The following TBC1D10B variants were observed in gnomAD, a reference collection of about 807,000 sequenced individuals.
The protein encoded by TBC1D10B is Rab27A-GAPbeta.
TBC1D10B carries 25 observed loss-of-function variants against 78.4 expected under a neutral mutation model. The observed-to-expected ratio is 0.32, with a 90% confidence interval of 0.23 to 0.45. TBC1D10B has a LOEUF of 0.45. Among genes scored for constraint, TBC1D10B ranks in the 20% least tolerant of loss-of-function variants. TBC1D10B has a pLI of 1.00. For synonymous variants in TBC1D10B, 517 were observed against 478.0 expected, an observed-to-expected ratio of 1.08 and a Z score of -1.06; for missense variants, 996 against 1,104.8, an observed-to-expected ratio of 0.90 and a Z score of 1.40.
rs563479087 is a variant in TBC1D10B at position 30,358,704 on chromosome 16, G to T, written c.1756C>A (p.Leu586Met). The change falls in exon 8 of 9, where the codon CTG becomes ATG. Residue 586 changes from leucine (L) to methionine (M), a missense_variant. Physicochemically the swap from Leu to Met is conservative, Grantham distance 15. Coordinates refer to ENST00000409939, the MANE Select transcript of TBC1D10B (RefSeq NM_015527.4). Reference protein sequence around the residue: ...MYETMEQLRNLPQQCMQEDFL... With the variant: ...MYETMEQLRNMPQQCMQEDFL... ...TCTTCCTGCATGCACTGCTGGGGCA[G>T]GTTACGCAGCTGCTCCATGGTCTCA... 1 of 1,610,762 alleles carries T rather than the reference G, an allele frequency of 6.2e-7. No homozygotes were observed. Among genetic ancestry groups the T allele is most frequent in the South Asian group, 1.1e-5 (1 of 90,688 alleles).
At chr16:30,360,141 A>G in intron 4 of TBC1D10B, 1 of 344,272 alleles carries the variant, frequency 2.9e-6, no homozygotes, top group Non-Finnish European at 5.4e-6. Flanking sequence ...AGCTTTCCAC[A>G]GCTGCAGCAT....
rs748993856 is a variant in TBC1D10B at position 30,358,537 on chromosome 16, G to A, written c.1834C>T (p.Arg612Trp). Residue 612 changes from arginine to tryptophan, a missense_variant, in exon 9 of 9, where the codon CGG becomes TGG. Arg to Trp is a moderately radical substitution (Grantham distance 101). Transcript: ENST00000409939. ...NLPVTEALIE[R>W]ENAAQLKKWR... ...TTCTTGAGCTGGGCTGCATTCTCCC[G>A]CTCAATCAGTGCTTCTGTCACCGGC... 1.5e-5 allele frequency: 24 copies of A among 1,608,606 alleles called. 1 individual carries two copies. The highest frequency in any genetic ancestry group is 1.3e-4 in the Admixed American group (8 of 59,764).
intron 7 of TBC1D10B, 42 bp downstream of exon 7, chr16:30,359,130 A>G (rs1264131329): frequency 3.2e-6 from 5 of 1,564,392 alleles, no homozygotes; most frequent in East Asian, 2.3e-5. Flanking sequence ...TAGCCACCAC[A>G]GAAACCCCAG....
At position 30,358,059 on chromosome 16, in the gene TBC1D10B, T is replaced by C. The variant is rs1490058159; in HGVS notation, c.2312A>G (p.Glu771Gly). ...AAGCTTCCGGCCTTGAGCCTTCTTC[T>C]CCTGCTTCTGCCGCTCCTTCTCCTG... is the stretch of plus-strand genomic sequence containing the variant. Reference protein sequence around the residue: ...EKQEKERQKQEKKAQGRKLSL... With the variant: ...EKQEKERQKQGKKAQGRKLSL... Residue 771 changes from glutamate (E) to glycine (G), a missense_variant, in exon 9 of 9, where the codon GAG becomes GGG. Physicochemically the swap from Glu to Gly is moderately conservative, Grantham distance 98 (BLOSUM62 -2). Coordinates refer to ENST00000409939, the MANE Select transcript of TBC1D10B (RefSeq NM_015527.4). 1.3e-6 allele frequency: 2 copies of C among 1,551,718 alleles called. No individual in the cohort carries two copies. The highest frequency in any genetic ancestry group is 4.9e-5 in the East Asian group (2 of 40,926).
At chr16:30,360,996 GTC>G (rs1350079585) in intron 4 of TBC1D10B, among the ~76,000 whole-genome samples, 4 of 151,328 alleles carry the variant, frequency 2.6e-5, no homozygotes, top group African/African-American at 4.9e-5. Context: ...AAAAAAAAAA[GTC>G]TCTTCACCAG....
intron 1 of TBC1D10B, chr16:30,367,849 T>A (rs1455194983): frequency 6.6e-6 from 1 of 152,082 alleles, no homozygotes; most frequent in East Asian, 1.9e-4. Context: ...GAGGTAGAGT[T>A]CTCTGGCATT....
rs774831900 is a variant in TBC1D10B, at chr16:30,358,327, G to A, written c.2044C>T (p.Pro682Ser). 1 of 1,567,640 alleles carries A rather than the reference G, an allele frequency of 6.4e-7. No individual in the cohort carries two copies. Among genetic ancestry groups the A allele is most frequent in the Non-Finnish European group, 8.6e-7 (1 of 1,156,162 alleles). The change falls in exon 9 of 9, where the codon CCC becomes TCC. Residue 682 changes from proline (P) to serine (S), a missense_variant. By Grantham distance (74) the Pro-to-Ser change is moderately conservative (BLOSUM62 -1). Transcript: ENST00000409939. ...AAGGAPSPPP[P>S]VRRASAGPAP... ...GGCCCAGCACTGGCTCTGCGGACGG[G>A]GGGCGGCGGGGACGGGGCCCCTCCA...
At position 30,369,564 on chromosome 16, in the gene TBC1D10B, C is replaced by T; in HGVS notation, c.620G>A (p.Gly207Glu). 6.5e-7 allele frequency: 1 copy of T among 1,535,916 alleles called. No homozygotes were observed. The highest frequency in any genetic ancestry group is 8.8e-7 in the Non-Finnish European group (1 of 1,138,830). ...GCCTGAGGGGTCCTCAGGAGCCTGT[C>T]CTGCTGATGCTGATGTTGCTGCGGC... is the stretch of plus-strand genomic sequence containing the variant. ...GAAAATSASA[G>E]QAPEDPSGPG... The change falls in exon 1 of 9, where the codon GGA (glycine) becomes GAA (glutamate). Residue 207 changes from glycine to glutamate, a missense_variant. Physicochemically the swap from Gly to Glu is moderately conservative, Grantham distance 98. Coordinates refer to ENST00000409939, the MANE Select transcript of TBC1D10B (RefSeq NM_015527.4). This position sits in a 1 kb window ranked among gnomAD's most constrained non-coding sequence, Gnocchi z 4.3.
intron 4 of TBC1D10B, among the ~76,000 whole-genome samples, chr16:30,364,027 G>C (rs1221350287): frequency 6.6e-6 from 1 of 150,728 alleles, no homozygotes; most frequent in African/African-American, 2.4e-5. Flanking sequence ...TGAGGCAGGA[G>C]AATCACCTGA....
At position 30,365,648 on chromosome 16, in the gene TBC1D10B, A is replaced by G. The variant is rs2049630611; in HGVS notation, c.957-54T>C. On this transcript the variant is annotated intron_variant, in intron 1 of 8. Transcript: ENST00000409939. The surrounding 1 kb of genome is among the most constrained non-coding windows in gnomAD (Gnocchi z 5.0). ...TCAGTAGCAATAGTGTAAAACCTGC[A>G]TTGCAGGGGGAACTGAGGCAAGCCA... The G allele has an allele frequency of 1.3e-6, 2 of 1,547,034 alleles. No individual in the cohort carries two copies. The highest frequency in any genetic ancestry group is 1.7e-5 in the Admixed American group (1 of 59,830).
rs2049585349 is a variant in TBC1D10B at position 30,359,528 on chromosome 16, A to G, written c.1452+10T>C. On this transcript the variant is annotated intron_variant, in intron 6 of 8. Transcript: ENST00000409939. ...ACAGCCCCGGATGCACCCAGCCTCCAGACACTCACCAGCCCTGCACTGTAG... is the reference window on the plus strand; with the variant it reads ...ACAGCCCCGGATGCACCCAGCCTCCGGACACTCACCAGCCCTGCACTGTAG... The G allele has an allele frequency of 6.4e-7, 1 of 1,556,806 alleles. No homozygotes were observed. The highest frequency in any genetic ancestry group is 8.7e-7 in the Non-Finnish European group (1 of 1,150,086).
chr16:30,362,996 C>T (rs564597943), intron 4 of TBC1D10B, among the ~76,000 whole-genome samples: 1 of 152,198 alleles, frequency 6.6e-6, no homozygotes, highest in African/African-American at 2.4e-5. Context: ...GAGGTGGCGC[C>T]ACTGCATTCC....
intron 1 of TBC1D10B, among the ~76,000 whole-genome samples, chr16:30,368,707 CCCTT>C (rs1373345867): frequency 6.6e-6 from 1 of 152,130 alleles, no homozygotes; most frequent in Non-Finnish European, 1.5e-5. Flanking sequence ...TGCACAGTCT[CCCTT>C]CCATCAGCCA....
rs964633583 is a variant in TBC1D10B at position 30,365,906 on chromosome 16, T to C, written c.957-312A>G. On this transcript the variant is annotated intron_variant, in intron 1 of 8. Coordinates refer to ENST00000409939, the MANE Select transcript of TBC1D10B (RefSeq NM_015527.4). This position sits in a 1 kb window ranked among gnomAD's most constrained non-coding sequence, Gnocchi z 5.0. ...TGGATCCACGTCCTAGCTTTACCAT[T>C]TATTCATTGTGTGACCTTGGGCAAA... 3.3e-5 allele frequency: 11 copies of C among 334,850 alleles called. No homozygotes were observed. The highest frequency in any genetic ancestry group is 5.7e-5 in the Non-Finnish European group (10 of 174,420). 20.7% of individuals were successfully genotyped at this position (334,850 alleles called of 1,614,324 possible). A position where few individuals can be genotyped will look rare whatever the true frequency, so the allele number is the denominator to read the frequency against.
rs1178270427 is a variant in TBC1D10B, at chr16:30,358,428, C to T, written c.1943G>A (p.Arg648Gln). 12 of 1,582,418 alleles carry T rather than the reference C, an allele frequency of 7.6e-6. No individual in the cohort carries two copies. The highest frequency in any genetic ancestry group is 1.0e-5 in the Non-Finnish European group (12 of 1,165,054). The stretch of plus-strand genomic sequence containing the variant: ...GGAGGGGCCCAGGGGTGGCTGTTGC[C>T]GCCGGCGCTCCTCGTGGATGGCCCG... ...GSRAIHEERR[R>Q]QQPPLGPSSS... The change falls in exon 9 of 9, where the codon CGG becomes CAG. Residue 648 changes from arginine to glutamine, a missense_variant. Around this residue, in one of 5 missense-constraint regions of TBC1D10B, gnomAD observed 285 missense variants for 252.5 expected, o/e 1.13. Transcript: ENST00000409939.
rs970738607 is a variant in TBC1D10B at position 30,357,546 on chromosome 16, G to C, written c.*398C>G. The C allele has an allele frequency of 8.4e-6, 2 of 237,076 alleles. No individual in the cohort carries two copies. Among genetic ancestry groups the C allele is most frequent in the Non-Finnish European group, 1.7e-5 (2 of 120,472 alleles). The allele number at this position is 237,076 out of a possible 1,614,324, so 14.7% of individuals were successfully genotyped here. On this transcript the variant is annotated 3_prime_UTR_variant, in exon 9 of 9. Coordinates refer to ENST00000409939, the MANE Select transcript of TBC1D10B (RefSeq NM_015527.4). ...CCAGGAAGTGGGGGAGACAGGGAGG[G>C]CTGAAGACAGGGAAAAGGAAGCCAG...
chr16:30,364,939 A>T lies in TBC1D10B; in HGVS notation c.1232T>A (p.Phe411Tyr). The change falls in exon 4 of 9, where the codon TTC becomes TAC. Residue 411 changes from phenylalanine to tyrosine, a missense_variant. Phe to Tyr is a conservative substitution (Grantham distance 22). This residue lies in a region of TBC1D10B where 93 missense variants were observed against 152.7 expected (regional missense o/e 0.61). Transcript: ENST00000409939. ...DVIEKDLHRQ[F>Y]PFHEMFAARG... ...AGCAGCAAACATCTCGTGGAAAGGG[A>T]ACTGGCGGTGCAGGTCCTTCTCAAT... is the stretch of plus-strand genomic sequence containing the variant. The T allele has an allele frequency of 6.2e-7, 1 of 1,613,110 alleles. No homozygotes were observed. Among genetic ancestry groups the T allele is most frequent in the Non-Finnish European group, 8.5e-7 (1 of 1,179,584 alleles).
Position 30,357,635 on chromosome 16 carries a change from A to C in TBC1D10B, c.*309T>G, listed in dbSNP as rs2049562026. 14 of 444,906 alleles carry C rather than the reference A, an allele frequency of 3.1e-5. No homozygotes were observed. The East Asian group carries it at 4.7e-4, about 15-fold the overall frequency. 27.6% of individuals were successfully genotyped at this position (444,906 alleles called of 1,614,324 possible). On this transcript the variant is annotated 3_prime_UTR_variant, in exon 9 of 9. Transcript: ENST00000409939. ...TCTGAAACTGCTGACTCCCATCACC[A>C]GGAGTCACCCCTGGGATGACAACGG...
Position 30,369,399 on chromosome 16 carries a change from T to C in TBC1D10B, c.785A>G (p.Gln262Arg). 1 of 1,584,654 alleles carries C rather than the reference T, an allele frequency of 6.3e-7. No individual in the cohort carries two copies. The highest frequency in any genetic ancestry group is 2.3e-5 in the East Asian group (1 of 43,042). ...LGPGISGPRGQAPDTLSYLDS... is the reference protein window; with the variant it reads ...LGPGISGPRGRAPDTLSYLDS... ...CAAGTAACTCAGCGTGTCCGGGGCC[T>C]GCCCTCGAGGCCCAGAGATGCCAGG... is the stretch of plus-strand genomic sequence containing the variant. Residue 262 changes from glutamine (Q) to arginine (R), a missense_variant, in exon 1 of 9, where the codon CAG (glutamine) becomes CGG (arginine). Physicochemically the swap from Gln to Arg is conservative, Grantham distance 43. This residue lies in a region of TBC1D10B where 448 missense variants were observed against 442.1 expected (regional missense o/e 1.01). Coordinates refer to ENST00000409939, the MANE Select transcript of TBC1D10B (RefSeq NM_015527.4). This position sits in a 1 kb window ranked among gnomAD's most constrained non-coding sequence, Gnocchi z 4.3.
Sources: allele counts gnomAD v4.1 joint callset (sites outside exome capture counted in the v4.1 genomes callset), GRCh38; gene constraint gnomAD v4.1.1; regional missense constraint gnomAD v4.1.1; non-coding constraint Gnocchi (gnomAD v3.1); transcripts MANE v1.5; gene names NCBI Gene and HGNC (gene_info 2026-07-23, HGNC 2026-07-21).